GALNT9: variants seen among roughly 807,000 people sequenced by gnomAD.
GALNT9 encodes the protein GalNAc transferase 9.
GALNT9 carries 47 observed loss-of-function variants against 63.1 expected under a neutral mutation model. The ratio of observed to expected loss-of-function variants is 0.75; its 90% confidence interval spans 0.59 to 0.95. GALNT9 has a LOEUF of 0.95. Ranked by LOEUF, GALNT9 falls within the 40% of genes least tolerant of loss-of-function variation. The pLI, the probability that GALNT9 is intolerant of heterozygous loss-of-function variation, is 0.00. For missense variants in GALNT9, 829 were observed against 874.8 expected (o/e 0.95, Z 0.66); for synonymous variants, 396 against 365.7 (o/e 1.08, Z -0.94).
chr12:132,292,519 A>G (rs1880900151), intron 1 of GALNT9, among the ~76,000 whole-genome samples: 1 of 152,182 alleles, frequency 6.6e-6, no homozygotes, highest in African/African-American at 2.4e-5. Flanking sequence ...CTCCACACAA[A>G]ACGGAGCAGA....
chr12:132,258,028 T>A (rs1334236502), intron 4 of GALNT9, 142 bp from the exon 5 acceptor site: 2 of 639,880 alleles, frequency 3.1e-6, no homozygotes, highest in Admixed American at 2.8e-5. Context: ...TAGACCCACA[T>A]CCTCCCTTGG....
At chr12:132,293,379 T>A (rs2135568428) in intron 1 of GALNT9, among the ~76,000 whole-genome samples, 1 of 152,324 alleles carries the variant, frequency 6.6e-6, no homozygotes, top group South Asian at 2.1e-4. Flanking sequence ...AGCCCCTCAA[T>A]AGGTAACTTG....
rs1222289596 is a variant in GALNT9 at position 132,196,742 on chromosome 12, C to T, written c.*365G>A. 1 of 1,033,448 alleles carries T rather than the reference C, an allele frequency of 9.7e-7. No homozygotes were observed. The highest frequency in any genetic ancestry group is 5.3e-5 in the Admixed American group (1 of 18,790). 64.0% of individuals were successfully genotyped at this position (1,033,448 alleles called of 1,614,324 possible). ...CGGGTGGAAGACACCAGGGTGCAGCCTGGTGCATGGTCCGGGGCTTGGCCT... is the reference window on the plus strand; with the variant it reads ...CGGGTGGAAGACACCAGGGTGCAGCTTGGTGCATGGTCCGGGGCTTGGCCT... On this transcript the variant is annotated 3_prime_UTR_variant, in exon 11 of 11. Coordinates refer to ENST00000328957, the MANE Select transcript of GALNT9 (RefSeq NM_001122636.2).
intron 2 of GALNT9, among the ~76,000 whole-genome samples, chr12:132,267,520 C>G (rs1488236394): frequency 2.6e-5 from 4 of 152,186 alleles, no homozygotes. Flanking sequence ...GCAGCTGATT[C>G]TGAAATTCAT....
chr12:132,295,295 C>T (rs73475804), intron 1 of GALNT9, among the ~76,000 whole-genome samples: 3,174 of 152,336 alleles, frequency 0.021, 133 homozygotes, highest in African/African-American at 0.072. Flanking sequence ...CAGCGCCAGG[C>T]GCTGTGCAGG....
intron 2 of GALNT9, among the ~76,000 whole-genome samples, chr12:132,272,079 C>T (rs1235761093): frequency 6.6e-6 from 1 of 152,170 alleles, no homozygotes; most frequent in African/African-American, 2.4e-5. Flanking sequence ...CACGCCCCGC[C>T]CGGCTCCCCC....
At chr12:132,203,070 A>G (rs529953521) in intron 7 of GALNT9, among the ~76,000 whole-genome samples, 1 of 152,224 alleles carries the variant, frequency 6.6e-6, no homozygotes, top group East Asian at 1.9e-4. Flanking sequence ...GAAGCCACAC[A>G]GCGTATGAGC....
chr12:132,205,504 G>A (rs768349261), intron 6 of GALNT9: 2 of 150,738 alleles, frequency 1.3e-5, no homozygotes, highest in Non-Finnish European at 2.9e-5. Flanking sequence ...GAGCCTCCTC[G>A]CTGCTCAGCT....
chr12:132,215,543 G>A (rs569852566), intron 6 of GALNT9, among the ~76,000 whole-genome samples: 238 of 152,376 alleles, frequency 1.6e-3, no homozygotes, highest in African/African-American at 5.2e-3. Context: ...TGGCGAGTGC[G>A]GGGACCACTC....
chr12:132,296,335 G>T lies in GALNT9; in HGVS notation c.239-9905C>A. Among the ~76,000 whole-genome samples the T allele has an allele frequency of 6.6e-6, 1 of 152,212 alleles. No homozygotes were observed. The highest frequency in any genetic ancestry group is 1.9e-4 in the East Asian group (1 of 5,202). On this transcript the variant is annotated intron_variant, in intron 1 of 10. Coordinates refer to ENST00000328957, the MANE Select transcript of GALNT9 (RefSeq NM_001122636.2). The surrounding 1 kb of genome is among the most constrained non-coding windows in gnomAD (Gnocchi z 4.2). The stretch of plus-strand genomic sequence containing the variant: ...AGACCAGCGGACACAGGTCTGTCTG[G>T]GATCCAAGAGCAGGAGATGCCCACG...
At chr12:132,273,061 C>G (rs1027106837) in intron 2 of GALNT9, 2 of 152,320 alleles carry the variant, frequency 1.3e-5, no homozygotes, top group Non-Finnish European at 2.9e-5. Context: ...TGTGTCTGTT[C>G]TATGAAATCA....
chr12:132,326,928 G>A (rs1555246559), intron 1 of GALNT9, among the ~76,000 whole-genome samples: 1 of 152,212 alleles, frequency 6.6e-6, no homozygotes, highest in Non-Finnish European at 1.5e-5. Context: ...CTCCCCGTAG[G>A]GCCCCACCGG....
intron 10 of GALNT9, 40 bp downstream of exon 10, chr12:132,197,752 C>A (rs772483806): frequency 7.6e-7 from 1 of 1,311,036 alleles, no homozygotes; most frequent in Non-Finnish European, 1.0e-6. Context: ...GCAGCCCTGC[C>A]CCGCCCCAAC....
intron 1 of GALNT9, among the ~76,000 whole-genome samples, 197 bp downstream of exon 1, chr12:132,328,769 C>T (rs1869153261): frequency 6.6e-6 from 1 of 152,338 alleles, no homozygotes; most frequent in East Asian, 1.9e-4. Context: ...GGGGTGGGTG[C>T]CCGGTGCGGG....
At chr12:132,213,330 A>T (rs561971022) in intron 6 of GALNT9, among the ~76,000 whole-genome samples, 17 of 151,378 alleles carry the variant, frequency 1.1e-4, no homozygotes, top group Non-Finnish European at 2.4e-4. Flanking sequence ...AGACTTGGCA[A>T]CCCCACAATT....
In GALNT9 at chr12:132,251,128, G is replaced by A. The variant is rs144150757; in HGVS notation, c.960-3101C>T. On this transcript the variant is annotated intron_variant, in intron 5 of 10. Coordinates refer to ENST00000328957, the MANE Select transcript of GALNT9 (RefSeq NM_001122636.2). Reference sequence around the variant, plus strand: ...AAGCGGTGACCGGCACACGGTACACGTACGTGCAGATGTGCGAGCCACAAA... The same window carrying A: ...AAGCGGTGACCGGCACACGGTACACATACGTGCAGATGTGCGAGCCACAAA... 2.2e-3 allele frequency among the ~76,000 whole-genome samples: 334 copies of A among 152,310 alleles called. 1 individual carries two copies. The highest frequency in any genetic ancestry group is 4.4e-3 in the South Asian group (21 of 4,810).
intron 6 of GALNT9, among the ~76,000 whole-genome samples, chr12:132,211,306 G>A (rs955444891): frequency 3.9e-5 from 6 of 152,146 alleles, no homozygotes; most frequent in Non-Finnish European, 5.9e-5. Flanking sequence ...AGGAATAAAC[G>A]AACTTATTTC....
intron 6 of GALNT9, among the ~76,000 whole-genome samples, chr12:132,230,307 C>G (rs1364918993): frequency 1.3e-5 from 2 of 152,202 alleles, no homozygotes; most frequent in African/African-American, 4.8e-5. Context: ...TTCCCGAGTT[C>G]CTGACCCACA....
At position 132,276,905 on chromosome 12, in the gene GALNT9, CAT is replaced by C. The variant is rs201046090; in HGVS notation, c.419+9343_419+9344del. Among the ~76,000 whole-genome samples the C allele has an allele frequency of 9.5e-3, 1,441 of 152,266 alleles. 20 individuals are homozygous for C. The highest frequency in any genetic ancestry group is 0.033 in the African/African-American group (1,381 of 41,538). On this transcript the variant is annotated intron_variant, in intron 2 of 10. Coordinates refer to ENST00000328957, the MANE Select transcript of GALNT9 (RefSeq NM_001122636.2). ...CTGTTGGTGCCAGAACACACACACA[CAT>C]GCACACATGTCCACACATGCACACA...
Sources: gnomAD v4.1 joint callset for allele counts (sites outside exome capture counted in the v4.1 genomes callset) on GRCh38, gnomAD v4.1.1 for gene constraint, Gnocchi (gnomAD v3.1) non-coding constraint, MANE v1.5 for transcripts, NCBI Gene and HGNC (gene_info 2026-07-23, HGNC 2026-07-21) for gene names.